UBN2: variants seen among roughly 807,000 people sequenced by gnomAD.
UBN2 encodes the protein ubinuclein 2.
In UBN2, 35 loss-of-function variants were observed where a neutral mutation model predicts 120.2. That is an observed-to-expected ratio of 0.29 (90% CI 0.22 to 0.39). UBN2 has a LOEUF of 0.39. Among genes scored for constraint, UBN2 ranks in the 10% least tolerant of loss-of-function variants. The pLI, the probability that UBN2 is intolerant of heterozygous loss-of-function variation, is 1.00. For synonymous variants in UBN2, 661 were observed against 648.7 expected (o/e 1.02, Z -0.29); for missense variants, 1,693 against 1,663.2 (o/e 1.02, Z -0.31).
At chr7:139,264,749 C>T (rs1185531361) in intron 6 of UBN2, among the ~76,000 whole-genome samples, 3 of 152,048 alleles carry the variant, frequency 2.0e-5, no homozygotes, top group African/African-American at 7.2e-5. Flanking sequence ...GCCACCACAC[C>T]CAGCTAATTT....
chr7:139,297,798 A>G lies in UBN2; in HGVS notation c.4006A>G (p.Ser1336Gly). 1.2e-6 allele frequency: 2 copies of G among 1,614,140 alleles called. No homozygotes were observed. Among genetic ancestry groups the G allele is most frequent in the Non-Finnish European group, 1.7e-6 (2 of 1,179,992 alleles). The change falls in exon 18 of 18, where the codon AGT (serine) becomes GGT (glycine). Residue 1336 changes from serine (S) to glycine (G), a missense_variant. Ser to Gly is a moderately conservative substitution (Grantham distance 56). Transcript: ENST00000473989. ...LQQAFHDGGQ[S>G]KGDTKLPRKS... Reference sequence around the variant, plus strand: ...TCTCTTTTTCTCAGATGGAGGCCAAAGTAAAGGGGACACTAAATTACCACG... The same window carrying G: ...TCTCTTTTTCTCAGATGGAGGCCAAGGTAAAGGGGACACTAAATTACCACG...
chr7:139,272,778 CA>C (rs1433667366), intron 9 of UBN2, among the ~76,000 whole-genome samples: 3 of 152,188 alleles, frequency 2.0e-5, no homozygotes, highest in African/African-American at 7.2e-5. Context: ...CCAGCTGCCT[CA>C]GCCTCCCAAA....
the UBN2 span, among the ~76,000 whole-genome samples, chr7:139,314,431 C>T: frequency 6.6e-6 from 1 of 151,724 alleles, no homozygotes; most frequent in Non-Finnish European, 1.5e-5. Flanking sequence ...TGTACTCCAG[C>T]CTGGGCGACA....
At position 139,278,864 on chromosome 7, in the gene UBN2, A is replaced by G. The variant is rs34174749; in HGVS notation, c.2025-454A>G. ...TTTTCCAAAAGTTTCAAGATTCCAT[A>G]GTAATTTTTCTTGCCCTTTTTCTCC... On this transcript the variant is annotated intron_variant, in intron 12 of 17. Coordinates refer to ENST00000473989, the MANE Select transcript of UBN2 (RefSeq NM_173569.4). Among the ~76,000 whole-genome samples, 56 of 152,158 alleles carry G rather than the reference A, an allele frequency of 3.7e-4. No homozygotes were observed. In the East Asian group the frequency reaches 8.5e-3, roughly 23 times the overall value.
chr7:139,263,570 T>C (rs1371491877), intron 6 of UBN2, among the ~76,000 whole-genome samples: 1 of 151,950 alleles, frequency 6.6e-6, no homozygotes, highest in Non-Finnish European at 1.5e-5. Context: ...GGTCGGGAGT[T>C]TGAGACCAGC....
intron 3 of UBN2, among the ~76,000 whole-genome samples, chr7:139,257,046 A>G (rs1251263880): frequency 1.3e-5 from 2 of 152,240 alleles, no homozygotes; most frequent in Admixed American, 1.3e-4. Flanking sequence ...GACTAGTTAG[A>G]TGATGTGAAG....
At chr7:139,295,106 G>A (rs1163959684) in intron 17 of UBN2, among the ~76,000 whole-genome samples, 1 of 145,774 alleles carries the variant, frequency 6.9e-6, no homozygotes, top group Non-Finnish European at 1.5e-5. Context: ...TTTTTTTTTG[G>A]CCACTGCATT....
At chr7:139,279,124 G>C (rs559520647) in intron 12 of UBN2, among the ~76,000 whole-genome samples, 194 bp from the exon 13 acceptor site, 18 of 151,840 alleles carry the variant, frequency 1.2e-4, no homozygotes, top group Non-Finnish European at 2.5e-4. Flanking sequence ...TAGTTGTTTG[G>C]CCTTTCAATT....
chr7:139,267,066 A>G (rs180881554), intron 7 of UBN2, among the ~76,000 whole-genome samples: 68 of 152,356 alleles, frequency 4.5e-4, no homozygotes, highest in African/African-American at 1.2e-3. Flanking sequence ...AACTGAACTT[A>G]TAAACCTTGT....
Position 139,231,524 on chromosome 7 carries a change from C to G in UBN2, c.40C>G (p.Pro14Ala). ...CAGAGTAGCGTTCATTAGCTTGTCA[C>G]CGGTGCGGCGGCGCGAGGCCGAGTA... is the stretch of plus-strand genomic sequence containing the variant. The part of the protein sequence containing the change: ...PRRVAFISLS[P>A]VRRREAEYPG... The change falls in exon 1 of 18, where the codon CCG becomes GCG. Residue 14 changes from proline (P) to alanine (A), a missense_variant. Pro to Ala is a conservative substitution (Grantham distance 27, BLOSUM62 -1). Coordinates refer to ENST00000473989, the MANE Select transcript of UBN2 (RefSeq NM_173569.4). 4.2e-6 allele frequency: 6 copies of G among 1,419,752 alleles called. No individual in the cohort carries two copies. The highest frequency in any genetic ancestry group is 5.6e-6 in the Non-Finnish European group (6 of 1,079,052). 87.9% of individuals were successfully genotyped at this position (1,419,752 alleles called of 1,614,324 possible). A position where few individuals can be genotyped will look rare whatever the true frequency, so the allele number is the denominator to read the frequency against.
At position 139,237,213 on chromosome 7, in the gene UBN2, A is replaced by T. The variant is rs141335337; in HGVS notation, c.561+116A>T. ...TGCCTGCCTTACTTTGTTCTCACCAATGGAAACCAAATGAATGGTTAGACA... is the reference window on the plus strand; with the variant it reads ...TGCCTGCCTTACTTTGTTCTCACCATTGGAAACCAAATGAATGGTTAGACA... On this transcript the variant is annotated intron_variant, in intron 2 of 17. Transcript: ENST00000473989. 901 of 536,300 alleles carry T rather than the reference A, an allele frequency of 1.7e-3. 5 individuals carry two copies. The highest frequency in any genetic ancestry group is 0.016 in the African/African-American group (824 of 52,064). The allele number at this position is 536,300 out of a possible 1,614,324, so 33.2% of individuals were successfully genotyped here.
At chr7:139,282,953 G>A in intron 14 of UBN2, 71 bp from the exon 15 acceptor site, 1 of 1,220,586 alleles carries the variant, frequency 8.2e-7, no homozygotes, top group South Asian at 1.8e-5. Flanking sequence ...GAATCTTTTA[G>A]TTATTTAAAA....
intron 1 of UBN2, among the ~76,000 whole-genome samples, chr7:139,234,657 T>G (rs1796115685): frequency 6.6e-6 from 1 of 152,152 alleles, no homozygotes; most frequent in African/African-American, 2.4e-5. Context: ...TAGAAATAAA[T>G]TTTGGCAATG....
Position 139,231,524 on chromosome 7 carries a change from C to T in UBN2, c.40C>T (p.Pro14Ser), listed in dbSNP as rs771740627. ...PRRVAFISLSPVRRREAEYPG... is the reference protein window; with the variant it reads ...PRRVAFISLSSVRRREAEYPG... The stretch of plus-strand genomic sequence containing the variant: ...CAGAGTAGCGTTCATTAGCTTGTCA[C>T]CGGTGCGGCGGCGCGAGGCCGAGTA... The change falls in exon 1 of 18, where the codon CCG becomes TCG. Residue 14 changes from proline (P) to serine (S), a missense_variant. By Grantham distance (74) the Pro-to-Ser change is moderately conservative (BLOSUM62 -1). Transcript: ENST00000473989. 2.8e-6 allele frequency: 4 copies of T among 1,419,750 alleles called. No individual in the cohort carries two copies. In the South Asian group the frequency reaches 4.4e-5, roughly 16 times the overall value. 87.9% of individuals were successfully genotyped at this position (1,419,750 alleles called of 1,614,324 possible).
At chr7:139,273,538 T>C (rs1383529586) in intron 10 of UBN2, 128 bp downstream of exon 10, 4 of 608,778 alleles carry the variant, frequency 6.6e-6, no homozygotes, top group Non-Finnish European at 1.1e-5. Flanking sequence ...GAAAAAATTA[T>C]TCAAGAGAAG....
chr7:139,264,915 A>T (rs1405329354), intron 6 of UBN2, among the ~76,000 whole-genome samples: 1 of 152,102 alleles, frequency 6.6e-6, no homozygotes, highest in Non-Finnish European at 1.5e-5. Context: ...TACATATAAG[A>T]TGTAGATATT....
chr7:139,305,081 G>A lies in UBN2; in HGVS notation c.*7245G>A, dbSNP rs1050790258. The stretch of plus-strand genomic sequence containing the variant: ...CATGGAATGTCTTTGGGTTGTTAAT[G>A]ATAAAATCATCCCAGTGTTCAATTC... On this transcript the variant is annotated 3_prime_UTR_variant, in exon 18 of 18. Transcript: ENST00000473989. The A allele has an allele frequency of 1.6e-4, 24 of 152,168 alleles. No homozygotes were observed. Among genetic ancestry groups the A allele is most frequent in the African/African-American group, 5.8e-4 (24 of 41,450 alleles). The allele number at this position is 152,168 out of a possible 1,614,324, so 9.4% of individuals were successfully genotyped here. A position where few individuals can be genotyped will look rare whatever the true frequency, so the allele number is the denominator to read the frequency against.
At chr7:139,312,023 G>A (rs1798454910), downstream of UBN2, among the ~76,000 whole-genome samples, 2 of 152,190 alleles carry the variant, frequency 1.3e-5, no homozygotes, top group Admixed American at 6.5e-5. Flanking sequence ...CTACATGCGA[G>A]TATGTGCTGT....
rs868374086 is a variant in UBN2 at position 139,303,163 on chromosome 7, T to C, written c.*5327T>C. 4 of 152,356 alleles carry C rather than the reference T, an allele frequency of 2.6e-5. No homozygotes were observed. In the Middle Eastern group the frequency reaches 0.01, roughly 389 times the overall value. 9.4% of individuals were successfully genotyped at this position (152,356 alleles called of 1,614,324 possible). A position where few individuals can be genotyped will look rare whatever the true frequency, so the allele number is the denominator to read the frequency against. ...CAGATGCTGAGGAAAACATATAATC[T>C]ATAGCATTCTTGAGAGATTTTCCAT... On this transcript the variant is annotated 3_prime_UTR_variant, in exon 18 of 18. Transcript: ENST00000473989.
Sources: allele counts gnomAD v4.1 joint callset (sites outside exome capture counted in the v4.1 genomes callset), GRCh38; gene constraint gnomAD v4.1.1; transcripts MANE v1.5; gene names NCBI Gene and HGNC (gene_info 2026-07-23, HGNC 2026-07-21).